Variants in PKD1L1 observed in about 807,000 individuals in gnomAD.
The protein encoded by PKD1L1 is polycystin-1-like protein 1.
Under a neutral mutation model 323.4 loss-of-function variants are expected in PKD1L1, and 236 were observed. The ratio of observed to expected loss-of-function variants is 0.73; its 90% CI spans 0.66 to 0.81. The LOEUF is 0.81. PKD1L1 is among the 40% of genes least tolerant of loss of function. The probability of loss-of-function intolerance (pLI) is 0.00; values close to 1 mark genes in which losing one functional copy is unlikely to be tolerated. For missense variants in PKD1L1, 3,320 were observed against 3,508.0 expected (o/e 0.95, Z 1.35); for synonymous variants, 1,344 against 1,335.0 (o/e 1.01, Z -0.15).
intron 7 of PKD1L1, among the ~76,000 whole-genome samples, 200 bp from the exon 8 acceptor site, chr7:47,915,799 TATAAGAG>T (rs1307671169): frequency 1.3e-5 from 2 of 151,842 alleles, no homozygotes; most frequent in African/African-American, 4.8e-5. Context: ...ATAAAAGAAC[TATAAGAG>T]CCTATTTTGC....
chr7:47,873,795 G>C lies in PKD1L1; in HGVS notation c.3896+104C>G. 7.7e-6 allele frequency: 6 copies of C among 782,444 alleles called. No homozygotes were observed. In the South Asian group the frequency reaches 1.1e-4, roughly 15 times the overall value. The allele number at this position is 782,444 out of a possible 1,614,324, so 48.5% of individuals were successfully genotyped here. Reference sequence around the variant, plus strand: ...TATTTGCTCCATCTTAAGAAGATGAGTTCCTGACATGTTTTTGACGCTTGT... The same window carrying C: ...TATTTGCTCCATCTTAAGAAGATGACTTCCTGACATGTTTTTGACGCTTGT... On this transcript the variant is annotated intron_variant, in intron 24 of 56. Transcript: ENST00000289672.
At chr7:47,955,304 G>C in the PKD1L1 span, among the ~76,000 whole-genome samples, 6 of 152,092 alleles carry the variant, frequency 3.9e-5, no homozygotes, top group Non-Finnish European at 4.4e-5. Flanking sequence ...TCCAATGTTC[G>C]GGAAACTGTA....
At chr7:47,825,677 T>C (rs1785228557) in intron 45 of PKD1L1, among the ~76,000 whole-genome samples, 1 of 152,192 alleles carries the variant, frequency 6.6e-6, no homozygotes. Flanking sequence ...AATTTACTTT[T>C]ATTTTCCCTT....
At chr7:47,906,629 A>G (rs1787212556) in intron 9 of PKD1L1, among the ~76,000 whole-genome samples, 1 of 152,102 alleles carries the variant, frequency 6.6e-6, no homozygotes, top group South Asian at 2.1e-4. Context: ...ATTTAGAGCA[A>G]CTCATTTATC....
chr7:47,781,951 C>A (rs1460649667), intron 56 of PKD1L1, among the ~76,000 whole-genome samples: 1 of 152,110 alleles, frequency 6.6e-6, no homozygotes, highest in African/African-American at 2.4e-5. Flanking sequence ...GCTTCAGCAC[C>A]TTTGTCAAGA....
chr7:47,910,335 CTT>C (rs764658101), intron 8 of PKD1L1, among the ~76,000 whole-genome samples: 18 of 137,450 alleles, frequency 1.3e-4, no homozygotes, highest in Admixed American at 2.9e-4. Flanking sequence ...ATCTTACTTT[CTT>C]TTTTTTTTTT....
Position 47,813,108 on chromosome 7 carries a change from G to A in PKD1L1, c.7346+13C>T, listed in dbSNP as rs746361121. ...CAGGCAGGATGAGCCCCGGCCCTTCGAATCTCACTGACCTTGTTCTGCCCA... is the reference window on the plus strand; with the variant it reads ...CAGGCAGGATGAGCCCCGGCCCTTCAAATCTCACTGACCTTGTTCTGCCCA... On this transcript the variant is annotated intron_variant, in intron 49 of 56. Coordinates refer to ENST00000289672, the MANE Select transcript of PKD1L1 (RefSeq NM_138295.5). The A allele has an allele frequency of 2.2e-5, 35 of 1,608,632 alleles. No homozygotes were observed. The highest frequency in any genetic ancestry group is 1.1e-4 in the East Asian group (5 of 44,796).
rs555918089 is a variant in PKD1L1, at chr7:47,834,887, A to T, written c.6127+80T>A. The stretch of plus-strand genomic sequence containing the variant: ...AAACATAATGCAAATTGAAAACAGA[A>T]GATACAATTTCTACTTAGTAGATTG... On this transcript the variant is annotated intron_variant, in intron 39 of 56. Coordinates refer to ENST00000289672, the MANE Select transcript of PKD1L1 (RefSeq NM_138295.5). 3 of 1,189,088 alleles carry T rather than the reference A, an allele frequency of 2.5e-6. No individual in the cohort carries two copies. The South Asian group carries it at 4.1e-5, about 16-fold the overall frequency. 73.7% of individuals were successfully genotyped at this position (1,189,088 alleles called of 1,614,324 possible).
intron 14 of PKD1L1, 71 bp from the exon 15 acceptor site, chr7:47,894,130 G>T: frequency 7.2e-7 from 1 of 1,392,260 alleles, no homozygotes; most frequent in Non-Finnish European, 9.7e-7. Flanking sequence ...AAACACACTA[G>T]TCTGAAAATT....
At position 47,839,764 on chromosome 7, in the gene PKD1L1, A is replaced by AG; in HGVS notation, c.5553-103dup. On this transcript the variant is annotated intron_variant, in intron 35 of 56. Transcript: ENST00000289672. The surrounding 1 kb of genome is among the most constrained non-coding windows in gnomAD (Gnocchi z 4.3). Reference sequence around the variant, plus strand: ...CCCTCAAGGCACTGATGGCCCACAGAGGGTGGATGGGACATGTCAAAGGTG... The same window carrying AG: ...CCCTCAAGGCACTGATGGCCCACAGAGGGGTGGATGGGACATGTCAAAGGTG... 8.7e-7 allele frequency: 1 copy of AG among 1,144,800 alleles called. No individual in the cohort carries two copies. Among genetic ancestry groups the AG allele is most frequent in the Non-Finnish European group, 1.3e-6 (1 of 799,106 alleles). The allele number at this position is 1,144,800 out of a possible 1,614,324, so 70.9% of individuals were successfully genotyped here.
At chr7:47,886,558 G>A (rs576768898) in intron 17 of PKD1L1, among the ~76,000 whole-genome samples, 1 of 152,280 alleles carries the variant, frequency 6.6e-6, no homozygotes, top group African/African-American at 2.4e-5. Context: ...CAATGACTTA[G>A]TGCCCTCCTC....
At chr7:47,778,152 G>A (rs1451748641) in intron 56 of PKD1L1, among the ~76,000 whole-genome samples, 5 of 152,188 alleles carry the variant, frequency 3.3e-5, no homozygotes, top group Non-Finnish European at 7.3e-5. Context: ...GAGCCAACCA[G>A]CAGATGAGGT....
chr7:47,816,082 G>A (rs1369147809), intron 46 of PKD1L1, among the ~76,000 whole-genome samples: 1 of 152,164 alleles, frequency 6.6e-6, no homozygotes, highest in Non-Finnish European at 1.5e-5. Flanking sequence ...GAGCGCCGGG[G>A]CTAGGGTAAA....
At position 47,840,325 on chromosome 7, in the gene PKD1L1, ATTGT is replaced by A. The variant is rs2128737864; in HGVS notation, c.5552+132_5552+135del. The A allele has an allele frequency of 6.6e-6, 4 of 602,808 alleles. No homozygotes were observed. In the South Asian group the frequency reaches 9.3e-5, roughly 14 times the overall value. 37.3% of individuals were successfully genotyped at this position (602,808 alleles called of 1,614,324 possible). ...TAATAAACTAAAAATACATCATAAA[ATTGT>A]TTGTATATAAATCGATGCTCACTAT... On this transcript the variant is annotated intron_variant, in intron 35 of 56. Transcript: ENST00000289672. This position sits in a 1 kb window ranked among gnomAD's most constrained non-coding sequence, Gnocchi z 4.1.
chr7:47,813,652 T>G, intron 48 of PKD1L1: 1 of 669,128 alleles, frequency 1.5e-6, no homozygotes, highest in Non-Finnish European at 2.7e-6. Flanking sequence ...TGATTAAAAA[T>G]CCTAGTTTTG....
At chr7:47,893,731 T>C in intron 15 of PKD1L1, 147 bp downstream of exon 15, 1 of 787,868 alleles carries the variant, frequency 1.3e-6, no homozygotes, top group Non-Finnish European at 2.0e-6. Flanking sequence ...TCCCTTATAT[T>C]TTGTTCCTAA....
At chr7:47,780,926 A>G (rs1353427998) in intron 56 of PKD1L1, among the ~76,000 whole-genome samples, 4 of 152,216 alleles carry the variant, frequency 2.6e-5, no homozygotes, top group African/African-American at 9.6e-5. Flanking sequence ...TCTATGATCC[A>G]GATAATTTCT....
At chr7:47,954,045 T>C in the PKD1L1 span, among the ~76,000 whole-genome samples, 7 of 152,210 alleles carry the variant, frequency 4.6e-5, no homozygotes, top group Non-Finnish European at 8.8e-5. Flanking sequence ...AGTGTATATA[T>C]GTAGCCTCCT....
rs1784908814 is a variant in PKD1L1, at chr7:47,812,017, C to T, written c.7381G>A (p.Ala2461Thr). Residue 2461 changes from alanine (A) to threonine (T), a missense_variant, in exon 50 of 57, where the codon GCC becomes ACC. Transcript: ENST00000289672. Reference protein sequence around the residue: ...EAHTALSRLRASMWIDRSTRA... With the variant: ...EAHTALSRLRTSMWIDRSTRA... ...GTGCTGCGGTCAATCCACATGCTGGCCCTGAGTCGGGACAGGGCTGTGTGG... is the reference window on the plus strand; with the variant it reads ...GTGCTGCGGTCAATCCACATGCTGGTCCTGAGTCGGGACAGGGCTGTGTGG... 2.5e-6 allele frequency: 4 copies of T among 1,577,768 alleles called. No individual in the cohort carries two copies. The highest frequency in any genetic ancestry group is 3.4e-6 in the Non-Finnish European group (4 of 1,161,694).
Sources: allele counts gnomAD v4.1 joint callset (sites outside exome capture counted in the v4.1 genomes callset), GRCh38; gene constraint gnomAD v4.1.1; non-coding constraint Gnocchi (gnomAD v3.1); transcripts MANE v1.5; gene names NCBI Gene and HGNC (gene_info 2026-07-23, HGNC 2026-07-21).